The following TMEM25 variants were observed in gnomAD, a reference collection of about 807,000 sequenced individuals.
TMEM25 encodes transmembrane protein 25, also known as 0610039J01Rik.
TMEM25 carries 36 observed loss-of-function variants against 37.0 expected under a neutral mutation model. The observed-to-expected ratio is 0.97, with a 90% CI of 0.75 to 1.28. The LOEUF is 1.28. TMEM25 is among the 50% of genes most tolerant of loss of function. TMEM25 has a pLI of 0.00. For missense variants in TMEM25, 444 were observed against 477.9 expected (o/e 0.93, Z 0.66); for synonymous variants, 197 against 203.7 (o/e 0.97, Z 0.28).
At position 118,535,314 on chromosome 11, in the gene TMEM25, C is replaced by T. The variant is rs1951481349; in HGVS notation, c.*734C>T. 6.1e-6 allele frequency: 8 copies of T among 1,319,364 alleles called. No homozygotes were observed. Among genetic ancestry groups the T allele is most frequent in the South Asian group, 2.3e-5 (1 of 43,578 alleles). 81.7% of individuals were successfully genotyped at this position (1,319,364 alleles called of 1,614,324 possible). A position where few individuals can be genotyped will look rare whatever the true frequency, so the allele number is the denominator to read the frequency against. ...CACAAGTTAGGGAGGAAGAGGCAGG[C>T]GATGAGTCTAGTAGCACCCAGGACG... On this transcript the variant is annotated 3_prime_UTR_variant, in exon 9 of 9. Transcript: ENST00000313236.
In TMEM25 at chr11:118,533,508, CTT is replaced by C. The variant is rs782625548; in HGVS notation, c.763_764del (p.Leu255GlyfsTer25). The C allele has an allele frequency of 6.2e-7, 1 of 1,614,178 alleles. No homozygotes were observed. The highest frequency in any genetic ancestry group is 8.5e-7 in the Non-Finnish European group (1 of 1,180,006). On this transcript the variant is annotated frameshift_variant, in exon 5 of 9. Coordinates refer to ENST00000313236, the MANE Select transcript of TMEM25 (RefSeq NM_032780.4). LOFTEE classifies it high-confidence loss of function. ...ALGTLVGFST[L>X]VACLVCRKEK... is the part of the protein sequence containing the mutation. ...TGGGCACCCTCGTGGGGTTCAGCAC[CTT>C]GGTGGCCTGCCTGGTCTGCAGAAAA...
rs150904224 is a variant in TMEM25, at chr11:118,532,377, C to T, written c.298C>T (p.Arg100Trp). The T allele has an allele frequency of 3.8e-5, 61 of 1,613,860 alleles. No individual in the cohort carries two copies. The highest frequency in any genetic ancestry group is 6.7e-5 in the African/African-American group (5 of 74,910). Residue 100 changes from arginine (R) to tryptophan (W), a missense_variant, in exon 3 of 9, where the codon CGG becomes TGG. Transcript: ENST00000313236. ...GTSTFTVTAHRAQHELNCSLQ... is the reference protein window; with the variant it reads ...GTSTFTVTAHWAQHELNCSLQ... Reference sequence around the variant, plus strand: ...CAGCACCTTCACTGTCACTGCCCATCGGGCCCAGCATGAGCTCAACTGCTC... The same window carrying T: ...CAGCACCTTCACTGTCACTGCCCATTGGGCCCAGCATGAGCTCAACTGCTC...
downstream of TMEM25, among the ~76,000 whole-genome samples, chr11:118,540,203 G>A (rs1296849024): frequency 2.6e-5 from 4 of 151,776 alleles, no homozygotes; most frequent in South Asian, 2.1e-4. Flanking sequence ...TCCGCCTCCC[G>A]GGTTCTTGCC....
At position 118,535,545 on chromosome 11, in the gene TMEM25, C is replaced by T; in HGVS notation, c.*965C>T. On this transcript the variant is annotated 3_prime_UTR_variant, in exon 9 of 9. Coordinates refer to ENST00000313236, the MANE Select transcript of TMEM25 (RefSeq NM_032780.4). Reference sequence around the variant, plus strand: ...ACCACGGGACCCCAGCCCTGACCAACCCATGGTTGCCTCATCAGCAGGAAG... The same window carrying T: ...ACCACGGGACCCCAGCCCTGACCAATCCATGGTTGCCTCATCAGCAGGAAG... 1 of 1,535,858 alleles carries T rather than the reference C, an allele frequency of 6.5e-7. No individual in the cohort carries two copies. The highest frequency in any genetic ancestry group is 1.2e-5 in the South Asian group (1 of 84,006).
downstream of TMEM25, chr11:118,546,719 C>T (rs1951696406): frequency 6.5e-6 from 1 of 152,760 alleles, no homozygotes; most frequent in African/African-American, 2.4e-5. Context: ...CACTGCCATA[C>T]TCTTTTCCTG....
In TMEM25 at chr11:118,535,172, C is replaced by T. The variant is rs1951476307; in HGVS notation, c.*592C>T. 9.5e-7 allele frequency: 1 copy of T among 1,052,222 alleles called. No individual in the cohort carries two copies. Among genetic ancestry groups the T allele is most frequent in the African/African-American group, 1.7e-5 (1 of 59,658 alleles). 65.2% of individuals were successfully genotyped at this position (1,052,222 alleles called of 1,614,324 possible). A position where few individuals can be genotyped will look rare whatever the true frequency, so the allele number is the denominator to read the frequency against. The stretch of plus-strand genomic sequence containing the variant: ...TTGCTGCACACGTCTCTGCCCTTCA[C>T]TTCTTCTCTTCTGTCCCCACCTCCT... On this transcript the variant is annotated 3_prime_UTR_variant, in exon 9 of 9. Transcript: ENST00000313236.
intron 8 of TMEM25, among the ~76,000 whole-genome samples, chr11:118,541,513 T>C (rs542854805): frequency 2.0e-5 from 3 of 150,322 alleles, no homozygotes; most frequent in African/African-American, 4.9e-5. Context: ...AAGAAGAATG[T>C]CTTAGTCCAT....
downstream of TMEM25, among the ~76,000 whole-genome samples, chr11:118,540,348 C>T (rs1005821939): frequency 6.6e-5 from 10 of 152,140 alleles, no homozygotes; most frequent in Non-Finnish European, 1.3e-4. Flanking sequence ...TGGCTAAGGC[C>T]GTGCCAGCCA....
At position 118,535,492 on chromosome 11, in the gene TMEM25, A is replaced by G. The variant is rs1951487901; in HGVS notation, c.*912A>G. On this transcript the variant is annotated 3_prime_UTR_variant, in exon 9 of 9. Coordinates refer to ENST00000313236, the MANE Select transcript of TMEM25 (RefSeq NM_032780.4). The stretch of plus-strand genomic sequence containing the variant: ...TGAGTGTCCTGAGCTCTCGGGGTTG[A>G]TGGTTTTTCTCTCAGCATGTCTCCT... 6.6e-7 allele frequency: 1 copy of G among 1,524,632 alleles called. No homozygotes were observed. 94.4% of individuals were successfully genotyped at this position (1,524,632 alleles called of 1,614,324 possible).
intron 1 of TMEM25, 150 bp downstream of exon 1, chr11:118,531,384 G>A (rs1463727117): frequency 2.8e-6 from 1 of 354,126 alleles, no homozygotes; most frequent in Non-Finnish European, 5.2e-6. Context: ...GGGCAGGAGA[G>A]AGGATGGGAA....
chr11:118,541,874 C>A (rs1384498666), intron 8 of TMEM25, among the ~76,000 whole-genome samples: 1 of 152,200 alleles, frequency 6.6e-6, no homozygotes, highest in Admixed American at 6.5e-5. Context: ...CCTCCTACCT[C>A]AGCCTCTCGA....
chr11:118,546,492 AAAAG>A (rs1405579363), downstream of TMEM25: 4 of 224,226 alleles, frequency 1.8e-5, no homozygotes, highest in Admixed American at 2.0e-4. Context: ...CCTGTAAAAA[AAAAG>A]GAAGGAAGGG....
chr11:118,535,717 A>G lies in TMEM25; in HGVS notation c.*1137A>G. ...AACATGTAAATGATTGGAAATTAATATAGTACAGAATATATTTTTCCCTTG... is the reference window on the plus strand; with the variant it reads ...AACATGTAAATGATTGGAAATTAATGTAGTACAGAATATATTTTTCCCTTG... On this transcript the variant is annotated 3_prime_UTR_variant, in exon 9 of 9. Transcript: ENST00000313236. 3 of 1,411,382 alleles carry G rather than the reference A, an allele frequency of 2.1e-6. No individual in the cohort carries two copies. The highest frequency in any genetic ancestry group is 5.2e-5 in the East Asian group (2 of 38,710). The allele number at this position is 1,411,382 out of a possible 1,614,324, so 87.4% of individuals were successfully genotyped here. A position where few individuals can be genotyped will look rare whatever the true frequency, so the allele number is the denominator to read the frequency against.
rs1424435757 is a variant in TMEM25, at chr11:118,533,278, G to A, written c.673+71G>A. ...AGGGGTCCCGTCCCCATACAGAAATGGGAATACTTGTTGCCCTGTGGTTGG... is the reference window on the plus strand; with the variant it reads ...AGGGGTCCCGTCCCCATACAGAAATAGGAATACTTGTTGCCCTGTGGTTGG... On this transcript the variant is annotated intron_variant, in intron 4 of 8. Transcript: ENST00000313236. 1.9e-5 allele frequency: 30 copies of A among 1,557,842 alleles called. No individual in the cohort carries two copies. The East Asian group carries it at 6.5e-4, about 34-fold the overall frequency.
Position 118,534,941 on chromosome 11 carries a change from T to G in TMEM25, c.*361T>G. On this transcript the variant is annotated 3_prime_UTR_variant, in exon 9 of 9. Transcript: ENST00000313236. This position sits in a 1 kb window ranked among gnomAD's most constrained non-coding sequence, Gnocchi z 4.6. ...CCTGCTGTATACCCCACCCCAGTAC[T>G]CCACAGCACCTTGTACAGTAGGCAT... is the stretch of plus-strand genomic sequence containing the variant. 1 of 1,146,366 alleles carries G rather than the reference T, an allele frequency of 8.7e-7. No homozygotes were observed. Among genetic ancestry groups the G allele is most frequent in the South Asian group, 2.3e-5 (1 of 43,530 alleles). The allele number at this position is 1,146,366 out of a possible 1,614,324, so 71.0% of individuals were successfully genotyped here. A position where few individuals can be genotyped will look rare whatever the true frequency, so the allele number is the denominator to read the frequency against.
At position 118,534,649 on chromosome 11, in the gene TMEM25, C is replaced by G. The variant is rs1358399233; in HGVS notation, c.*69C>G. ...TCCCGTTCCTCCAAGGCATCCTCTA[C>G]CTAGCTAGGTCACCAACGTGAAGAA... On this transcript the variant is annotated 3_prime_UTR_variant, in exon 9 of 9. Transcript: ENST00000313236. The surrounding 1 kb of genome is among the most constrained non-coding windows in gnomAD (Gnocchi z 4.6). The G allele has an allele frequency of 1.3e-6, 2 of 1,587,590 alleles. No homozygotes were observed. Among genetic ancestry groups the G allele is most frequent in the South Asian group, 1.1e-5 (1 of 88,856 alleles).
chr11:118,541,969 T>C (rs1170821622), intron 8 of TMEM25, among the ~76,000 whole-genome samples: 1 of 152,214 alleles, frequency 6.6e-6, no homozygotes, highest in African/African-American at 2.4e-5. Context: ...GTTCCCCGGC[T>C]GGTCTCAAAC....
At chr11:118,540,087 G>A (rs1379710167), downstream of TMEM25, among the ~76,000 whole-genome samples, 1 of 151,258 alleles carries the variant, frequency 6.6e-6, no homozygotes, top group Admixed American at 6.6e-5. Flanking sequence ...ATGGGATGAC[G>A]TTTTGAGCGC....
downstream of TMEM25, among the ~76,000 whole-genome samples, chr11:118,537,803 C>T (rs1485114587): frequency 2.0e-5 from 3 of 152,166 alleles, no homozygotes; most frequent in South Asian, 4.1e-4. Context: ...GTAACCCTAG[C>T]ACTTTGGGAG....
Sources: allele counts gnomAD v4.1 joint callset (sites outside exome capture counted in the v4.1 genomes callset), GRCh38; gene constraint gnomAD v4.1.1; non-coding constraint Gnocchi (gnomAD v3.1); transcripts MANE v1.5; gene names NCBI Gene and HGNC (gene_info 2026-07-23, HGNC 2026-07-21).